Variants in CTNNA3 observed in about 807,000 individuals in gnomAD.
CTNNA3 encodes catenin alpha-3.
In CTNNA3, 76 loss-of-function variants were observed where a neutral mutation model predicts 95.7. The ratio of observed to expected loss-of-function variants is 0.79; its 90% CI spans 0.66 to 0.96. CTNNA3 has a LOEUF of 0.96. Ranked by LOEUF, CTNNA3 falls within the 40% of genes least tolerant of loss-of-function variation. The pLI is 0.00. For missense variants in CTNNA3, 1,191 were observed against 1,089.8 expected (o/e 1.09, Z -1.31); for synonymous variants, 431 against 374.4 (o/e 1.15, Z -1.74).
chr10:66,650,092 T>C lies in CTNNA3; in HGVS notation c.1282-28308A>G, dbSNP rs183326830. 1.9e-4 allele frequency among the ~76,000 whole-genome samples: 28 copies of C among 150,458 alleles called. No homozygotes were observed. The East Asian group carries it at 5.0e-3, about 27-fold the overall frequency. On this transcript the variant is annotated intron_variant, in intron 9 of 17. Coordinates refer to ENST00000433211, the MANE Select transcript of CTNNA3 (RefSeq NM_013266.4). ...TAAACATCAGATTAAAACTACACTT[T>C]AGACCAAATAGACCCAACAGACATA...
rs34732600 is a variant in CTNNA3, at chr10:66,329,578, GA to G, written c.1733-48958del. Among the ~76,000 whole-genome samples the G allele has an allele frequency of 1.6e-3, 234 of 149,556 alleles. 2 individuals carry two copies. In the South Asian group the frequency reaches 0.016, roughly 11 times the overall value. On this transcript the variant is annotated intron_variant, in intron 12 of 17. Coordinates refer to ENST00000433211, the MANE Select transcript of CTNNA3 (RefSeq NM_013266.4). ...CCCTAGGGCTTGAACATGTTTCAGG[GA>G]AAAAAAAAAAAACCTACTACAAAAG... is the stretch of plus-strand genomic sequence containing the variant.
intron 11 of CTNNA3, among the ~76,000 whole-genome samples, chr10:66,483,398 T>C (rs1227048242): frequency 6.6e-6 from 1 of 152,076 alleles, no homozygotes; most frequent in Non-Finnish European, 1.5e-5. Context: ...GATGTACATG[T>C]ATGATTTGTG....
At chr10:65,931,930 A>G (rs2133146059) in intron 17 of CTNNA3, among the ~76,000 whole-genome samples, 1 of 152,296 alleles carries the variant, frequency 6.6e-6, no homozygotes, top group South Asian at 2.1e-4. Flanking sequence ...ATCCCCAGGC[A>G]TTGGAATTCA....
At chr10:66,375,235 A>T (rs889508635) in intron 12 of CTNNA3, among the ~76,000 whole-genome samples, 5 of 152,052 alleles carry the variant, frequency 3.3e-5, no homozygotes, top group Admixed American at 6.6e-5. Flanking sequence ...ATCAGAAAAA[A>T]AAAAAAAAAG....
At chr10:67,466,687 G>C (rs2133012553) in intron 5 of CTNNA3, among the ~76,000 whole-genome samples, 1 of 152,276 alleles carries the variant, frequency 6.6e-6, no homozygotes, top group South Asian at 2.1e-4. Context: ...CAAACTATGA[G>C]ATGTCAAGCG....
rs552512913 is a variant in CTNNA3 at position 66,970,244 on chromosome 10, TTA to T, written c.1048-194722_1048-194721del. ...ATTAGATTCAAGCATCCACAAAAGT[TTA>T]TAGTCTGTCAGTCATAAGGATGGCT... On this transcript the variant is annotated intron_variant, in intron 7 of 17. Transcript: ENST00000433211. 1.6e-4 allele frequency among the ~76,000 whole-genome samples: 25 copies of T among 152,248 alleles called. No homozygotes were observed. In the South Asian group the frequency reaches 5.2e-3, roughly 32 times the overall value.
intron 5 of CTNNA3, among the ~76,000 whole-genome samples, chr10:67,391,272 G>A (rs866153305): frequency 6.6e-6 from 1 of 151,758 alleles, no homozygotes; most frequent in East Asian, 1.9e-4. Context: ...CAGACAAACA[G>A]AGACCCAAAT....
chr10:66,084,701 A>G (rs2080912945), intron 14 of CTNNA3, among the ~76,000 whole-genome samples: 1 of 152,184 alleles, frequency 6.6e-6, no homozygotes, highest in African/African-American at 2.4e-5. Flanking sequence ...CATTTAATAA[A>G]TCCCCAAGTG....
At chr10:65,977,310 G>A (rs796560762) in intron 16 of CTNNA3, among the ~76,000 whole-genome samples, 18 of 152,028 alleles carry the variant, frequency 1.2e-4, no homozygotes, top group African/African-American at 3.9e-4. Flanking sequence ...CTACCAAGAC[G>A]CTTGGAGCCA....
chr10:67,255,190 G>T (rs757642175), intron 5 of CTNNA3, among the ~76,000 whole-genome samples: 5 of 152,082 alleles, frequency 3.3e-5, no homozygotes, highest in Admixed American at 6.6e-5. Context: ...AGCTACTCAG[G>T]GGGCTGAGGC....
At chr10:67,602,699 C>T (rs949420765) in intron 3 of CTNNA3, among the ~76,000 whole-genome samples, 4 of 152,166 alleles carry the variant, frequency 2.6e-5, no homozygotes, top group Admixed American at 1.3e-4. Context: ...GAAATACCAT[C>T]TCATGGCAAT....
chr10:67,417,996 G>C (rs1845604432), intron 5 of CTNNA3, among the ~76,000 whole-genome samples: 1 of 152,110 alleles, frequency 6.6e-6, no homozygotes, highest in Non-Finnish European at 1.5e-5. Flanking sequence ...GCATGGAGCA[G>C]AATATCCATA....
At chr10:66,983,825 C>T (rs1850580773) in intron 7 of CTNNA3, among the ~76,000 whole-genome samples, 1 of 152,140 alleles carries the variant, frequency 6.6e-6, no homozygotes, top group South Asian at 2.1e-4. Context: ...TAAAAATGTA[C>T]CATTCTAGGG....
At chr10:66,986,674 T>C (rs1236153957) in intron 7 of CTNNA3, among the ~76,000 whole-genome samples, 1 of 152,152 alleles carries the variant, frequency 6.6e-6, no homozygotes, top group African/African-American at 2.4e-5. Context: ...CAACTATACC[T>C]TGTAAGTCAA....
At chr10:67,333,375 A>G (rs1841872204) in intron 5 of CTNNA3, among the ~76,000 whole-genome samples, 1 of 152,194 alleles carries the variant, frequency 6.6e-6, no homozygotes, top group Non-Finnish European at 1.5e-5. Context: ...TGCTGTTATT[A>G]GATTTACAGT....
At chr10:67,499,532 G>T (rs1041080643) in intron 5 of CTNNA3, among the ~76,000 whole-genome samples, 1 of 152,188 alleles carries the variant, frequency 6.6e-6, no homozygotes, top group African/African-American at 2.4e-5. Context: ...TGGACCTCTG[G>T]TAGAATTCAG....
chr10:67,438,973 A>C (rs1846401782), intron 5 of CTNNA3, among the ~76,000 whole-genome samples: 1 of 152,148 alleles, frequency 6.6e-6, no homozygotes, highest in African/African-American at 2.4e-5. Context: ...GTAAGCTTTA[A>C]AGGCAGTCTA....
chr10:66,690,759 T>C (rs1847495473), intron 9 of CTNNA3, among the ~76,000 whole-genome samples: 1 of 151,936 alleles, frequency 6.6e-6, no homozygotes, highest in African/African-American at 2.4e-5. Flanking sequence ...TCTTTGCTAT[T>C]GTGAGTAGTG....
chr10:66,214,935 G>C (rs2131960969), intron 13 of CTNNA3, among the ~76,000 whole-genome samples: 1 of 152,006 alleles, frequency 6.6e-6, no homozygotes, highest in East Asian at 1.9e-4. Context: ...TCATGAGTAA[G>C]TCTTAGGAAA....
Sources: allele counts gnomAD v4.1 joint callset (sites outside exome capture counted in the v4.1 genomes callset), GRCh38; gene constraint gnomAD v4.1.1; transcripts MANE v1.5; gene names NCBI Gene and HGNC (gene_info 2026-07-23, HGNC 2026-07-21).